GPC6: variants seen among roughly 807,000 people sequenced by gnomAD.
GPC6 encodes glypican 6.
In GPC6, 14 loss-of-function variants were observed where a neutral mutation model predicts 55.2. The observed-to-expected ratio is 0.25, with a 90% CI of 0.17 to 0.40. GPC6 has a LOEUF of 0.40. Among genes scored for constraint, GPC6 ranks in the 10% least tolerant of loss-of-function variants. The pLI, the probability that GPC6 is intolerant of heterozygous loss-of-function variation, is 1.00. For missense variants in GPC6, 641 were observed against 708.5 expected, an observed-to-expected ratio of 0.90 and a Z score of 1.08; for synonymous variants, 278 against 259.6, an observed-to-expected ratio of 1.07 and a Z score of -0.68.
At chr13:93,337,223 G>C (rs200908680) in intron 1 of GPC6, among the ~76,000 whole-genome samples, 9 of 152,236 alleles carry the variant, frequency 5.9e-5, no homozygotes, top group African/African-American at 2.2e-4. Context: ...AGTTTGTTTA[G>C]CTTGATTTTC....
At chr13:94,360,909 C>T (rs1879030577) in intron 6 of GPC6, among the ~76,000 whole-genome samples, 1 of 152,080 alleles carries the variant, frequency 6.6e-6, no homozygotes, top group South Asian at 2.1e-4. Flanking sequence ...GGCCAAGAGA[C>T]TTCACTCTTC....
chr13:93,797,479 T>C (rs1445334922), intron 2 of GPC6, among the ~76,000 whole-genome samples: 3 of 152,190 alleles, frequency 2.0e-5, no homozygotes, highest in Non-Finnish European at 4.4e-5. Flanking sequence ...TGGAAGCTTC[T>C]TCCAGACCTA....
rs539566567 is a variant in GPC6, at chr13:93,504,241, A to G, written c.161-41022A>G. On this transcript the variant is annotated intron_variant, in intron 1 of 8. Transcript: ENST00000377047. ...ACAAAGACAGATGTTATTTTGATATATGGTTTAAAAGTTGATTTTCCCTTC... is the reference window on the plus strand; with the variant it reads ...ACAAAGACAGATGTTATTTTGATATGTGGTTTAAAAGTTGATTTTCCCTTC... 2.0e-5 allele frequency among the ~76,000 whole-genome samples: 3 copies of G among 152,274 alleles called. No homozygotes were observed. The South Asian group carries it at 6.2e-4, about 32-fold the overall frequency.
At chr13:93,784,883 C>A (rs1885774798) in intron 2 of GPC6, among the ~76,000 whole-genome samples, 1 of 152,058 alleles carries the variant, frequency 6.6e-6, no homozygotes. Flanking sequence ...TCAGAAGAGG[C>A]AGTGCTTCTT....
At chr13:94,246,146 C>A (rs1891190296) in intron 4 of GPC6, among the ~76,000 whole-genome samples, 1 of 151,924 alleles carries the variant, frequency 6.6e-6, no homozygotes, top group Non-Finnish European at 1.5e-5. Context: ...GCCTGATGGC[C>A]ATTTTTATGT....
At chr13:94,367,256 G>A (rs984192311) in intron 6 of GPC6, among the ~76,000 whole-genome samples, 5 of 152,174 alleles carry the variant, frequency 3.3e-5, no homozygotes, top group Non-Finnish European at 7.3e-5. Context: ...AAAGTAAATA[G>A]TGCCACATTT....
chr13:93,667,677 C>T (rs73543588), intron 2 of GPC6, among the ~76,000 whole-genome samples: 7,222 of 151,506 alleles, frequency 0.048, 580 homozygotes, highest in African/African-American at 0.17. Flanking sequence ...AAGTAATCTG[C>T]CCACCTTGGC....
chr13:93,664,593 G>A (rs980917857), intron 2 of GPC6, among the ~76,000 whole-genome samples: 1 of 150,620 alleles, frequency 6.6e-6, no homozygotes, highest in Non-Finnish European at 1.5e-5. Flanking sequence ...TCTTCAGGAA[G>A]CATACTCTGC....
At chr13:93,550,662 C>T (rs1004365510) in intron 2 of GPC6, among the ~76,000 whole-genome samples, 7 of 151,732 alleles carry the variant, frequency 4.6e-5, no homozygotes, top group Admixed American at 2.6e-4. Flanking sequence ...GTGGCAATAA[C>T]GTAATGATTT....
intron 3 of GPC6, among the ~76,000 whole-genome samples, chr13:93,911,162 T>C (rs1876953857): frequency 6.6e-6 from 1 of 152,168 alleles, no homozygotes; most frequent in Non-Finnish European, 1.5e-5. Context: ...GAACAGAGTT[T>C]AGAGAGGCAT....
At chr13:94,158,163 C>T (rs572016197) in intron 4 of GPC6, among the ~76,000 whole-genome samples, 72 of 152,106 alleles carry the variant, frequency 4.7e-4, no homozygotes, top group Non-Finnish European at 8.5e-4. Flanking sequence ...AGAAATGATA[C>T]GCAACCTCTC....
At chr13:93,800,942 T>C (rs1886349301) in intron 2 of GPC6, among the ~76,000 whole-genome samples, 1 of 152,162 alleles carries the variant, frequency 6.6e-6, no homozygotes, top group African/African-American at 2.4e-5. Flanking sequence ...ATTTGTTGTA[T>C]AGGGTAGGAT....
intron 2 of GPC6, among the ~76,000 whole-genome samples, chr13:93,731,322 G>T (rs1256001782): frequency 6.6e-6 from 1 of 152,082 alleles, no homozygotes; most frequent in Non-Finnish European, 1.5e-5. Flanking sequence ...TTGAGGTCTT[G>T]CCAGATTGCT....
chr13:93,735,150 C>G (rs1047623712), intron 2 of GPC6, among the ~76,000 whole-genome samples: 7 of 152,172 alleles, frequency 4.6e-5, no homozygotes, highest in Non-Finnish European at 8.8e-5. Context: ...AAAGGAAAAA[C>G]AAGGAGCCTA....
intron 3 of GPC6, among the ~76,000 whole-genome samples, chr13:93,977,275 C>A (rs1880561585): frequency 6.6e-6 from 1 of 152,122 alleles, no homozygotes; most frequent in Non-Finnish European, 1.5e-5. Flanking sequence ...GGTTCAAATT[C>A]ATTGCTGCAT....
chr13:93,924,495 A>T (rs895385578), intron 3 of GPC6, among the ~76,000 whole-genome samples: 1 of 152,202 alleles, frequency 6.6e-6, no homozygotes. Flanking sequence ...GGGGGAAAAA[A>T]AGCATTATTG....
intron 2 of GPC6, among the ~76,000 whole-genome samples, chr13:93,827,103 C>T (rs1887292558): frequency 6.6e-6 from 1 of 152,170 alleles, no homozygotes; most frequent in African/African-American, 2.4e-5. Flanking sequence ...AATCAAATAG[C>T]ATTTCTTTCT....
intron 1 of GPC6, among the ~76,000 whole-genome samples, chr13:93,419,885 C>T (rs9589734): frequency 0.021 from 3,232 of 151,996 alleles, 118 homozygotes; most frequent in African/African-American, 0.074. Flanking sequence ...ATTGGTCTGC[C>T]CTACTGTGTC....
chr13:94,150,703 C>T (rs929206039), intron 4 of GPC6, among the ~76,000 whole-genome samples: 1 of 151,470 alleles, frequency 6.6e-6, no homozygotes, highest in African/African-American at 2.4e-5. Context: ...CTTAAAACTA[C>T]ACTTTGGGAC....
Sources: allele counts gnomAD v4.1 joint callset (sites outside exome capture counted in the v4.1 genomes callset), GRCh38; gene constraint gnomAD v4.1.1; transcripts MANE v1.5; gene names NCBI Gene and HGNC (gene_info 2026-07-23, HGNC 2026-07-21).